The following LTA4H variants were observed in gnomAD, a reference collection of about 807,000 sequenced individuals.
LTA4H encodes the protein leukotriene A-4 hydrolase.
In LTA4H, 59 loss-of-function variants were observed where a neutral mutation model predicts 89.8. The observed-to-expected ratio is 0.66, with a 90% CI of 0.53 to 0.82. The LOEUF (loss-of-function observed/expected upper bound fraction) is 0.82, where lower values mean the gene tolerates loss of function less well. Among genes scored for constraint, LTA4H ranks in the 40% least tolerant of loss-of-function variants. The pLI is 0.00. For missense variants in LTA4H, 617 were observed against 727.0 expected, an observed-to-expected ratio of 0.85 and a Z score of 1.74; for synonymous variants, 227 against 253.1, an observed-to-expected ratio of 0.90 and a Z score of 0.98.
intron 15 of LTA4H, 24 bp downstream of exon 15, chr12:96,009,070 C>G: frequency 1.3e-6 from 2 of 1,559,646 alleles, no homozygotes; most frequent in Non-Finnish European, 1.8e-6. Context: ...AAAAAGGAAT[C>G]AAAAATCACA....
At chr12:96,015,020 TG>T (rs765051187) in intron 11 of LTA4H, 21 bp from the exon 12 acceptor site, 33 of 1,605,276 alleles carry the variant, frequency 2.1e-5, no homozygotes, top group Non-Finnish European at 2.6e-5. Context: ...TGAAATAACA[TG>T]GAGAAACATA....
intron 1 of LTA4H, among the ~76,000 whole-genome samples, chr12:96,030,588 C>G (rs1422093872): frequency 6.6e-6 from 1 of 152,226 alleles, no homozygotes; most frequent in East Asian, 1.9e-4. Flanking sequence ...CCCCACACAG[C>G]CACTTAAAAG....
In LTA4H at chr12:96,022,847, C is replaced by T. The variant is rs890608296; in HGVS notation, c.481-596G>A. Among the ~76,000 whole-genome samples the T allele has an allele frequency of 1.3e-5, 2 of 152,096 alleles. No homozygotes were observed. Among genetic ancestry groups the T allele is most frequent in the South Asian group, 2.1e-4 (1 of 4,832 alleles). On this transcript the variant is annotated intron_variant, in intron 4 of 18. Coordinates refer to ENST00000228740, the MANE Select transcript of LTA4H (RefSeq NM_000895.3). The surrounding 1 kb of genome is among the most constrained non-coding windows in gnomAD (Gnocchi z 4.0). Reference sequence around the variant, plus strand: ...CACTCACAAAACAGATTCAAAAGGACGTTATATACTCACTGTAGGACAGAA... The same window carrying T: ...CACTCACAAAACAGATTCAAAAGGATGTTATATACTCACTGTAGGACAGAA...
intron 6 of LTA4H, 106 bp downstream of exon 6, chr12:96,020,979 A>G (rs1950445712): frequency 9.7e-6 from 8 of 822,768 alleles, no homozygotes; most frequent in South Asian, 1.7e-5. Flanking sequence ...TGTCAGCTTG[A>G]TATCTTGAGA....
chr12:96,020,173 G>A (rs764785972), intron 6 of LTA4H, among the ~76,000 whole-genome samples: 13 of 152,246 alleles, frequency 8.5e-5, no homozygotes, highest in Non-Finnish European at 1.5e-4. Context: ...CCAAAGTGAC[G>A]GGATTACAGG....
At chr12:96,036,242 TC>T (rs1950645771), upstream of LTA4H, among the ~76,000 whole-genome samples, 2 of 152,196 alleles carry the variant, frequency 1.3e-5, no homozygotes, top group African/African-American at 4.8e-5. Context: ...CTAATGAATT[TC>T]TATAAAAGTT....
At chr12:96,019,075 TC>T in intron 7 of LTA4H, 92 bp downstream of exon 7, 2 of 1,258,480 alleles carry the variant, frequency 1.6e-6, no homozygotes, top group Admixed American at 2.3e-5. Flanking sequence ...TCTGGTTCTT[TC>T]CCCGTATCAC....
intron 2 of LTA4H, among the ~76,000 whole-genome samples, 170 bp downstream of exon 2, chr12:96,028,885 T>C (rs1206548429): frequency 6.6e-6 from 1 of 152,226 alleles, no homozygotes; most frequent in Non-Finnish European, 1.5e-5. Context: ...TAAGTATATA[T>C]AATTTTAACT....
intron 7 of LTA4H, 81 bp downstream of exon 7, chr12:96,019,087 T>C: frequency 7.4e-7 from 1 of 1,357,472 alleles, no homozygotes; most frequent in Non-Finnish European, 1.0e-6. Flanking sequence ...CCCGTATCAC[T>C]TAAAACCATC....
In LTA4H at chr12:96,001,101, A is replaced by G; in HGVS notation, c.1724T>C (p.Leu575Pro). ...MKFTRPLFKD[L>P]AAFDKSHDQA... Reference sequence around the variant, plus strand: ...ATCATGGGATTTGTCAAAGGCAGCAAGATCCCTGCCAAAAAAGAAAAAATT... The same window carrying G: ...ATCATGGGATTTGTCAAAGGCAGCAGGATCCCTGCCAAAAAAGAAAAAATT... Residue 575 changes from leucine (L) to proline (P), a missense_variant, in exon 19 of 19, where the codon CTT (leucine) becomes CCT (proline). Physicochemically the swap from Leu to Pro is moderately conservative, Grantham distance 98. Transcript: ENST00000228740. 6.2e-7 allele frequency: 1 copy of G among 1,611,658 alleles called. No individual in the cohort carries two copies. Among genetic ancestry groups the G allele is most frequent in the Admixed American group, 1.7e-5 (1 of 59,984 alleles).
At chr12:96,024,272 T>G (rs1489410919) in intron 4 of LTA4H, among the ~76,000 whole-genome samples, 1 of 152,126 alleles carries the variant, frequency 6.6e-6, no homozygotes, top group African/African-American at 2.4e-5. Flanking sequence ...TCCATTTCCT[T>G]TTTTTCACAG....
intron 16 of LTA4H, among the ~76,000 whole-genome samples, chr12:96,004,976 G>A (rs1022884682): frequency 3.9e-5 from 6 of 151,996 alleles, no homozygotes; most frequent in African/African-American, 1.4e-4. Flanking sequence ...TCTTTGATGG[G>A]TCCTTTGTTG....
chr12:96,014,093 G>A (rs879418766), intron 12 of LTA4H: 36 of 334,480 alleles, frequency 1.1e-4, no homozygotes, highest in African/African-American at 6.3e-4. Flanking sequence ...ATAGGTAAGG[G>A]GATAACACAT....
chr12:96,019,280 C>T, intron 6 of LTA4H, 40 bp from the exon 7 acceptor site: 4 of 1,521,264 alleles, frequency 2.6e-6, no homozygotes, highest in Non-Finnish European at 3.6e-6. Flanking sequence ...AAATTCATGG[C>T]AAATGATTCA....
chr12:96,009,034 T>C, intron 15 of LTA4H, 60 bp downstream of exon 15: 5 of 1,246,450 alleles, frequency 4.0e-6, no homozygotes, highest in South Asian at 1.2e-5. Flanking sequence ...CCCTGCTTCA[T>C]GAGTAAAGAC....
At chr12:96,032,335 G>A (rs534945236) in intron 1 of LTA4H, among the ~76,000 whole-genome samples, 30 of 152,320 alleles carry the variant, frequency 2.0e-4, no homozygotes, top group Admixed American at 3.3e-4. Flanking sequence ...TCCTGATTCC[G>A]CACTGGCACT....
intron 15 of LTA4H, among the ~76,000 whole-genome samples, chr12:96,008,645 A>C (rs1467091550): frequency 6.6e-6 from 1 of 152,158 alleles, no homozygotes; most frequent in Admixed American, 6.5e-5. Context: ...GGCTGGGCAC[A>C]GTGGCTCATG....
upstream of LTA4H, chr12:96,035,659 C>T: frequency 2.8e-6 from 4 of 1,431,116 alleles, no homozygotes; most frequent in African/African-American, 1.4e-5. Context: ...AAGGAAGTTT[C>T]TTAAAGTCAG....
At chr12:96,013,052 G>A in intron 14 of LTA4H, 136 bp downstream of exon 14, 1 of 645,338 alleles carries the variant, frequency 1.5e-6, no homozygotes, top group Admixed American at 2.6e-5. Context: ...CAGGGTTAAG[G>A]CCAAAACACC....
Sources: allele counts gnomAD v4.1 joint callset (sites outside exome capture counted in the v4.1 genomes callset), GRCh38; gene constraint gnomAD v4.1.1; non-coding constraint Gnocchi (gnomAD v3.1); transcripts MANE v1.5; gene names NCBI Gene and HGNC (gene_info 2026-07-23, HGNC 2026-07-21).